Variants in LARGE1 observed in about 807,000 individuals in gnomAD.
LARGE1 encodes the protein LARGE xylosyl- and glucuronyltransferase 1.
A neutral mutation model predicts 87.6 loss-of-function variants in LARGE1; 43 were observed. The observed-to-expected ratio is 0.49, with a 90% confidence interval of 0.38 to 0.63. The LOEUF (loss-of-function observed/expected upper bound fraction) is 0.63, where lower values mean the gene tolerates loss of function less well. Ranked by LOEUF, LARGE1 falls within the 30% of genes least tolerant of loss-of-function variation. LARGE1 has a pLI of 0.00. For missense variants in LARGE1, 802 were observed against 1,000.2 expected, an observed-to-expected ratio of 0.80 and a Z score of 2.67; for synonymous variants, 434 against 394.6, an observed-to-expected ratio of 1.10 and a Z score of -1.18.
intron 1 of LARGE1, among the ~76,000 whole-genome samples, chr22:33,840,174 TATTTG>T (rs1302175821): frequency 1.3e-5 from 2 of 152,184 alleles, no homozygotes; most frequent in African/African-American, 4.8e-5. Context: ...ATTATAAAAC[TATTTG>T]ATTTAATAAT....
rs529670911 is a variant in LARGE1, at chr22:33,596,348, T to C, written c.615+8087A>G. Among the ~76,000 whole-genome samples, 6 of 152,364 alleles carry C rather than the reference T, an allele frequency of 3.9e-5. No individual in the cohort carries two copies. In the East Asian group the frequency reaches 1.2e-3, roughly 29 times the overall value. On this transcript the variant is annotated intron_variant, in intron 5 of 14. Coordinates refer to ENST00000397394, the MANE Select transcript of LARGE1 (RefSeq NM_133642.5). ...GTATGCTTTCAAGTGCTTTATGCTT[T>C]TCCATGTCCATTCTGTGATCTTGCC...
chr22:33,372,585 T>C (rs190901241), intron 9 of LARGE1, among the ~76,000 whole-genome samples: 6 of 152,208 alleles, frequency 3.9e-5, no homozygotes, highest in Non-Finnish European at 7.4e-5. Flanking sequence ...GTAAGACCTA[T>C]TTACTACCAT....
At chr22:33,354,415 G>C (rs1361878002) in intron 9 of LARGE1, among the ~76,000 whole-genome samples, 1 of 152,148 alleles carries the variant, frequency 6.6e-6, no homozygotes, top group Admixed American at 6.5e-5. Flanking sequence ...AACTTCAAGT[G>C]AAATTATATA....
intron 5 of LARGE1, among the ~76,000 whole-genome samples, chr22:33,603,427 A>G (rs1569305324): frequency 6.6e-6 from 1 of 152,198 alleles, no homozygotes; most frequent in African/African-American, 2.4e-5. Context: ...CCAGAAATAT[A>G]GAAAAGAATA....
Position 33,488,728 on chromosome 22 carries a change from G to A in LARGE1, c.788-56463C>T, listed in dbSNP as rs527342914. On this transcript the variant is annotated intron_variant, in intron 6 of 14. Transcript: ENST00000397394. ...TAATTCTGATAACCTAGCACTTAAG[G>A]AAGAGTTTCCCAAAAATAAATCATG... is the stretch of plus-strand genomic sequence containing the variant. Among the ~76,000 whole-genome samples the A allele has an allele frequency of 3.3e-5, 5 of 152,218 alleles. No homozygotes were observed. In the East Asian group the frequency reaches 5.8e-4, roughly 18 times the overall value.
intron 11 of LARGE1, among the ~76,000 whole-genome samples, chr22:33,205,604 T>A (rs905487430): frequency 1.3e-5 from 2 of 152,210 alleles, no homozygotes; most frequent in African/African-American, 4.8e-5. Context: ...GGAGAATTTA[T>A]TAAGCAGGAT....
At chr22:33,103,969 C>T in the LARGE1 span, among the ~76,000 whole-genome samples, 52 of 152,152 alleles carry the variant, frequency 3.4e-4, no homozygotes, top group South Asian at 8.3e-4. Context: ...CACCTTCTGC[C>T]GTGATTGTGA....
At chr22:33,216,462 A>C (rs144397919) in intron 11 of LARGE1, among the ~76,000 whole-genome samples, 2 of 152,236 alleles carry the variant, frequency 1.3e-5, no homozygotes, top group African/African-American at 4.8e-5. Context: ...CCCCATCTCT[A>C]CTGCAAATAC....
intron 6 of LARGE1, among the ~76,000 whole-genome samples, chr22:33,477,165 G>T (rs1181705272): frequency 1.3e-5 from 2 of 152,210 alleles, no homozygotes; most frequent in Non-Finnish European, 2.9e-5. Context: ...CCCACCTGGG[G>T]CGTGAGAGAC....
At chr22:33,562,256 T>C (rs1477133156) in intron 6 of LARGE1, among the ~76,000 whole-genome samples, 1 of 152,190 alleles carries the variant, frequency 6.6e-6, no homozygotes, top group African/African-American at 2.4e-5. Context: ...CTTTACTTAT[T>C]TTCTTTTCAC....
chr22:33,092,631 A>T, the LARGE1 span, among the ~76,000 whole-genome samples: 2 of 76,708 alleles, frequency 2.6e-5, no homozygotes, highest in African/African-American at 9.9e-5. Context: ...ACCCCACCCC[A>T]CCCCACAAGA....
At chr22:33,565,190 C>T (rs2077986431) in intron 5 of LARGE1, among the ~76,000 whole-genome samples, 171 bp from the exon 6 acceptor site, 1 of 152,128 alleles carries the variant, frequency 6.6e-6, no homozygotes, top group Admixed American at 6.5e-5. Context: ...TGCATTTTGA[C>T]ATGTGAAGTT....
chr22:33,258,091 C>T (rs762681875), intron 11 of LARGE1, among the ~76,000 whole-genome samples: 15 of 152,254 alleles, frequency 9.9e-5, no homozygotes, highest in African/African-American at 2.6e-4. Context: ...TGCAGTGATA[C>T]GATCTTGGCT....
At chr22:33,842,393 G>A (rs2063306210) in intron 1 of LARGE1, among the ~76,000 whole-genome samples, 1 of 150,366 alleles carries the variant, frequency 6.7e-6, no homozygotes, top group Admixed American at 6.6e-5. Flanking sequence ...GGCTTAGAGG[G>A]GAAATAACAT....
At chr22:33,467,096 A>ATT (rs1488807758) in intron 6 of LARGE1, among the ~76,000 whole-genome samples, 1 of 152,198 alleles carries the variant, frequency 6.6e-6, no homozygotes, top group Non-Finnish European at 1.5e-5. Flanking sequence ...TTATAAAGGA[A>ATT]TGATATTGTT....
chr22:33,756,620 G>C (rs2084523163), intron 2 of LARGE1, among the ~76,000 whole-genome samples: 2 of 152,186 alleles, frequency 1.3e-5, no homozygotes, highest in African/African-American at 2.4e-5. Flanking sequence ...TGTACACCAG[G>C]ACTTAAAAGA....
intron 14 of LARGE1, among the ~76,000 whole-genome samples, chr22:33,274,934 C>A (rs1928910422): frequency 6.6e-6 from 1 of 152,160 alleles, no homozygotes; most frequent in Non-Finnish European, 1.5e-5. Flanking sequence ...GAGCTCATGG[C>A]CTAGAAAAGG....
intron 7 of LARGE1, among the ~76,000 whole-genome samples, chr22:33,417,335 AG>A (rs1445796627): frequency 6.6e-6 from 1 of 152,210 alleles, no homozygotes; most frequent in African/African-American, 2.4e-5. Flanking sequence ...TGGCTTTTCA[AG>A]CCCCTTCTCC....
chr22:33,150,579 C>A, the LARGE1 span, among the ~76,000 whole-genome samples: 14 of 152,240 alleles, frequency 9.2e-5, no homozygotes, highest in Admixed American at 1.3e-4. Context: ...CATTAGGAGG[C>A]CATTCTGTTT....
Sources: gnomAD v4.1 joint callset for allele counts (sites outside exome capture counted in the v4.1 genomes callset) on GRCh38, gnomAD v4.1.1 for gene constraint, MANE v1.5 for transcripts, NCBI Gene and HGNC (gene_info 2026-07-23, HGNC 2026-07-21) for gene names.